The following PRKCA variants were observed in gnomAD, a reference collection of about 807,000 sequenced individuals.
PRKCA encodes protein kinase C alpha, also known as protein kinase C alpha type.
Under a neutral mutation model 87.0 loss-of-function variants are expected in PRKCA, and 27 were observed. The observed-to-expected ratio is 0.31, with a 90% CI of 0.23 to 0.43. The LOEUF is 0.43. PRKCA is among the 20% of genes least tolerant of loss of function. PRKCA has a pLI of 1.00. For missense variants in PRKCA, 518 were observed against 852.3 expected, an observed-to-expected ratio of 0.61 and a Z score of 4.88; for synonymous variants, 329 against 311.1, an observed-to-expected ratio of 1.06 and a Z score of -0.61.
intron 3 of PRKCA, among the ~76,000 whole-genome samples, chr17:66,613,025 T>G (rs529349944): frequency 2.0e-5 from 3 of 152,206 alleles, no homozygotes; most frequent in Admixed American, 2.0e-4. Flanking sequence ...TAGGCAAATA[T>G]ATACAAGTTG....
chr17:66,364,551 A>G (rs897473986), intron 2 of PRKCA, among the ~76,000 whole-genome samples: 1 of 152,188 alleles, frequency 6.6e-6, no homozygotes, highest in Non-Finnish European at 1.5e-5. Context: ...TGAAGAACAG[A>G]GACGTGGAGG....
At chr17:66,504,152 A>G (rs1423819888) in intron 3 of PRKCA, among the ~76,000 whole-genome samples, 1 of 152,258 alleles carries the variant, frequency 6.6e-6, no homozygotes, top group Non-Finnish European at 1.5e-5. Flanking sequence ...AAGTTTCATT[A>G]TAGTCCCTCT....
intron 3 of PRKCA, among the ~76,000 whole-genome samples, chr17:66,569,040 A>G (rs1968984744): frequency 6.6e-6 from 1 of 152,256 alleles, no homozygotes; most frequent in South Asian, 2.1e-4. Context: ...AACCAATTAC[A>G]GATAGATAGT....
At chr17:66,785,529 G>A (rs897579655) in intron 14 of PRKCA, among the ~76,000 whole-genome samples, 4 of 152,130 alleles carry the variant, frequency 2.6e-5, no homozygotes, top group African/African-American at 7.2e-5. Flanking sequence ...TCAAGGTTAC[G>A]CAGCCAAAGG....
chr17:66,491,828 C>G lies in PRKCA; in HGVS notation c.206-4373C>G, dbSNP rs528701137. ...TAGTTTGGAACTTGGACCCAAAGAT[C>G]AAGGCCAGCCATCTCTGATTTTTGG... On this transcript the variant is annotated intron_variant, in intron 2 of 16. Transcript: ENST00000413366. Among the ~76,000 whole-genome samples the G allele has an allele frequency of 1.1e-3, 160 of 152,350 alleles. 1 individual carries two copies. The highest frequency in any genetic ancestry group is 3.7e-3 in the African/African-American group (154 of 41,584).
intron 5 of PRKCA, among the ~76,000 whole-genome samples, chr17:66,649,607 T>TA (rs1345568948): frequency 2.6e-5 from 4 of 152,208 alleles, no homozygotes; most frequent in African/African-American, 9.6e-5. Context: ...TTTCAGTGCA[T>TA]AGGCTATGAA....
intron 5 of PRKCA, among the ~76,000 whole-genome samples, chr17:66,657,617 T>G (rs1228834966): frequency 6.6e-6 from 1 of 152,184 alleles, no homozygotes; most frequent in African/African-American, 2.4e-5. Context: ...TGTCATCTTA[T>G]GGCCCGCACA....
intron 8 of PRKCA, among the ~76,000 whole-genome samples, chr17:66,715,490 C>T (rs1288804329): frequency 6.6e-6 from 1 of 152,218 alleles, no homozygotes; most frequent in African/African-American, 2.4e-5. Flanking sequence ...TCCCTTCCCC[C>T]CAGGCCCTTT....
intron 8 of PRKCA, among the ~76,000 whole-genome samples, chr17:66,691,106 A>C (rs1296785059): frequency 6.6e-6 from 1 of 152,118 alleles, no homozygotes. Context: ...ACGCCAGTGC[A>C]CTCCAGCCTG....
intron 6 of PRKCA, 77 bp from the exon 7 acceptor site, chr17:66,688,225 G>A (rs1972682673): frequency 5.8e-6 from 9 of 1,540,420 alleles, no homozygotes; most frequent in South Asian, 2.4e-5. Flanking sequence ...TCTCAGGCTC[G>A]AGTCATATAC....
In PRKCA at chr17:66,808,327, T is replaced by TTTTTTG. The variant is rs921535567; in HGVS notation, c.*4295_*4296insGTTTTT. The stretch of plus-strand genomic sequence containing the variant: ...TTTTTTTTGTTTTTGTTCCTGTTTT[T>TTTTTTG]TTTTTTTTTGCTGGAATTTGTTTTC... On this transcript the variant is annotated 3_prime_UTR_variant, in exon 17 of 17. Transcript: ENST00000413366. The TTTTTTG allele has an allele frequency of 2.0e-5, 3 of 151,144 alleles. No individual in the cohort carries two copies. Among genetic ancestry groups the TTTTTTG allele is most frequent in the Non-Finnish European group, 4.4e-5 (3 of 67,790 alleles). The allele number at this position is 151,144 out of a possible 1,614,324, so 9.4% of individuals were successfully genotyped here.
intron 3 of PRKCA, among the ~76,000 whole-genome samples, chr17:66,636,384 G>A (rs1017069307): frequency 1.3e-5 from 2 of 152,226 alleles, no homozygotes; most frequent in African/African-American, 2.4e-5. Context: ...GCAAGAGGTG[G>A]TTTGGGTTAG....
At chr17:66,744,438 A>T (rs1198381037) in intron 13 of PRKCA, among the ~76,000 whole-genome samples, 2 of 152,274 alleles carry the variant, frequency 1.3e-5, no homozygotes, top group East Asian at 3.9e-4. Flanking sequence ...AAGCTTAGTG[A>T]TGGGGAATGG....
At chr17:66,678,941 A>G (rs1193449753) in intron 5 of PRKCA, among the ~76,000 whole-genome samples, 1 of 152,166 alleles carries the variant, frequency 6.6e-6, no homozygotes, top group Non-Finnish European at 1.5e-5. Context: ...TGGTAACTGC[A>G]GCAGAGAGAG....
At chr17:66,392,045 A>T (rs1195906849) in intron 2 of PRKCA, among the ~76,000 whole-genome samples, 1 of 152,168 alleles carries the variant, frequency 6.6e-6, no homozygotes, top group Non-Finnish European at 1.5e-5. Context: ...CCTGGCTGAC[A>T]CGGTGAAACC....
chr17:66,480,852 A>G (rs975232186), intron 2 of PRKCA, among the ~76,000 whole-genome samples: 1 of 151,594 alleles, frequency 6.6e-6, no homozygotes, highest in Non-Finnish European at 1.5e-5. Context: ...TCAGCTTCCT[A>G]CTTTCCTTCA....
intron 13 of PRKCA, among the ~76,000 whole-genome samples, chr17:66,760,270 A>G (rs752651477): frequency 1.3e-5 from 2 of 152,246 alleles, no homozygotes; most frequent in Non-Finnish European, 2.9e-5. Flanking sequence ...AGAAAATTCC[A>G]AAATACTTGA....
intron 3 of PRKCA, among the ~76,000 whole-genome samples, chr17:66,559,306 C>T (rs887219394): frequency 2.6e-5 from 4 of 150,980 alleles, no homozygotes; most frequent in African/African-American, 9.8e-5. Context: ...CCCTGTCTCT[C>T]CTAAAAATAC....
intron 3 of PRKCA, among the ~76,000 whole-genome samples, chr17:66,619,323 G>A (rs1444315539): frequency 6.6e-6 from 1 of 152,170 alleles, no homozygotes; most frequent in Non-Finnish European, 1.5e-5. Context: ...ACTCTGGCAG[G>A]TGTCAACCGC....
Sources: gnomAD v4.1 joint callset for allele counts (sites outside exome capture counted in the v4.1 genomes callset) on GRCh38, gnomAD v4.1.1 for gene constraint, MANE v1.5 for transcripts, NCBI Gene and HGNC (gene_info 2026-07-23, HGNC 2026-07-21) for gene names.